C12orf42: variants seen among roughly 807,000 people sequenced by gnomAD.
The protein encoded by C12orf42 is chromosome 12 open reading frame 42, also known as uncharacterized protein C12orf42.
Under a neutral mutation model 21.6 loss-of-function variants are expected in C12orf42, and 25 were observed. The observed-to-expected ratio is 1.16, with a 90% confidence interval of 0.84 to 1.62. The LOEUF (loss-of-function observed/expected upper bound fraction) is 1.62, where lower values mean the gene tolerates loss of function less well. C12orf42 is among the 40% of genes most tolerant of loss of function. C12orf42 has a pLI of 0.00. For missense variants in C12orf42, 483 were observed against 459.3 expected, an observed-to-expected ratio of 1.05 and a Z score of -0.47; for synonymous variants, 174 against 175.0, an observed-to-expected ratio of 0.99 and a Z score of 0.05.
chr12:103,299,136 G>A (rs985298143), downstream of C12orf42, among the ~76,000 whole-genome samples: 1 of 151,868 alleles, frequency 6.6e-6, no homozygotes, highest in Non-Finnish European at 1.5e-5. Flanking sequence ...ATAATATATT[G>A]TATAATACAG....
the C12orf42 span, among the ~76,000 whole-genome samples, chr12:103,187,249 C>G: frequency 3.3e-5 from 5 of 152,136 alleles, no homozygotes; most frequent in Non-Finnish European, 5.9e-5. Flanking sequence ...ATCAGTTTTA[C>G]AGATTAACTC....
the C12orf42 span, among the ~76,000 whole-genome samples, chr12:103,086,836 A>G: frequency 6.6e-6 from 1 of 152,040 alleles, no homozygotes; most frequent in South Asian, 2.1e-4. Flanking sequence ...CGTTTTCTTC[A>G]TGTTCAGCAG....
chr12:103,372,225 G>A (rs938643373), intron 3 of C12orf42, among the ~76,000 whole-genome samples: 5 of 152,002 alleles, frequency 3.3e-5, no homozygotes, highest in Non-Finnish European at 5.9e-5. Flanking sequence ...GTTCACCTCC[G>A]TTGAATTCTC....
intron 4 of C12orf42, among the ~76,000 whole-genome samples, chr12:103,322,755 C>T (rs994709523): frequency 1.3e-4 from 20 of 152,154 alleles, no homozygotes; most frequent in Non-Finnish European, 2.5e-4. Flanking sequence ...TGTCCAAATT[C>T]GTAAGAGTGC....
chr12:103,226,911 G>A, the C12orf42 span, among the ~76,000 whole-genome samples: 10 of 152,162 alleles, frequency 6.6e-5, no homozygotes, highest in Non-Finnish European at 1.2e-4. Context: ...ATGCCTGGAC[G>A]TCAGGCACCT....
At chr12:103,557,435 T>C in the C12orf42 span, 2 of 152,332 alleles carry the variant, frequency 1.3e-5, no homozygotes, top group East Asian at 1.9e-4. Context: ...GGCCACACCA[T>C]ACGGGACTTA....
intron 4 of C12orf42, among the ~76,000 whole-genome samples, chr12:103,284,766 A>C (rs779601171): frequency 7.0e-4 from 107 of 152,248 alleles, no homozygotes; most frequent in Non-Finnish European, 9.7e-4. Context: ...GTTTTCCCAC[A>C]GAGCCACAAT....
intron 2 of C12orf42, among the ~76,000 whole-genome samples, chr12:103,461,252 C>T (rs538073640): frequency 1.2e-4 from 19 of 152,248 alleles, no homozygotes; most frequent in African/African-American, 4.3e-4. Context: ...TTAGCTCGGG[C>T]AACAAACTTT....
intron 3 of C12orf42, among the ~76,000 whole-genome samples, chr12:103,393,418 C>T (rs1356697116): frequency 2.0e-5 from 3 of 152,128 alleles, no homozygotes; most frequent in Non-Finnish European, 1.5e-5. Flanking sequence ...GAGGGATCCA[C>T]GTCCATAACC....
At chr12:103,436,077 A>G (rs555977848) in intron 2 of C12orf42, among the ~76,000 whole-genome samples, 164 of 152,298 alleles carry the variant, frequency 1.1e-3, no homozygotes, top group African/African-American at 3.8e-3. Context: ...ACAAGCCAGA[A>G]GAGAGTGGTG....
At chr12:103,430,782 C>T (rs1950208109) in intron 2 of C12orf42, among the ~76,000 whole-genome samples, 1 of 152,098 alleles carries the variant, frequency 6.6e-6, no homozygotes, top group African/African-American at 2.4e-5. Context: ...ACTATGCAGC[C>T]ACAAAAAGGA....
chr12:103,216,096 G>A, the C12orf42 span, among the ~76,000 whole-genome samples: 5 of 152,058 alleles, frequency 3.3e-5, no homozygotes, highest in African/African-American at 1.2e-4. Context: ...GAGAAGTTTG[G>A]ACTCTCTGGC....
chr12:103,389,825 C>T (rs1213011563), intron 3 of C12orf42, among the ~76,000 whole-genome samples: 1 of 152,192 alleles, frequency 6.6e-6, no homozygotes, highest in Non-Finnish European at 1.5e-5. Context: ...TGCGTTGTGT[C>T]AGCGACTCTC....
the C12orf42 span, among the ~76,000 whole-genome samples, chr12:103,150,147 G>T: frequency 9.9e-5 from 15 of 152,132 alleles, no homozygotes; most frequent in Admixed American, 5.9e-4. Context: ...TATGCCATAA[G>T]TTAATAAATC....
At chr12:103,388,978 T>C (rs2046850701) in intron 3 of C12orf42, among the ~76,000 whole-genome samples, 1 of 152,210 alleles carries the variant, frequency 6.6e-6, no homozygotes, top group Non-Finnish European at 1.5e-5. Context: ...CTGTGCTTGC[T>C]TTCCAGCCCC....
chr12:103,160,131 T>C, the C12orf42 span, among the ~76,000 whole-genome samples: 3 of 152,142 alleles, frequency 2.0e-5, no homozygotes, highest in Non-Finnish European at 2.9e-5. Flanking sequence ...AACCTAATTC[T>C]GTGAGAAAAA....
chr12:103,364,516 C>CA (rs1489585353), intron 4 of C12orf42, among the ~76,000 whole-genome samples: 3 of 151,418 alleles, frequency 2.0e-5, no homozygotes, highest in Admixed American at 6.6e-5. Context: ...GAAATTGAAA[C>CA]AAAAAAGAAA....
rs200301447 is a variant in C12orf42, at chr12:103,322,123, G to A, written c.260-15778C>T. 4.9e-4 allele frequency among the ~76,000 whole-genome samples: 59 copies of A among 119,216 alleles called. 1 individual carries two copies. The highest frequency in any genetic ancestry group is 3.2e-3 in the Admixed American group (37 of 11,412). The allele number at this position is 119,216 out of a possible 152,430, so 78.2% of individuals were successfully genotyped here. A position where few individuals can be genotyped will look rare whatever the true frequency, so the allele number is the denominator to read the frequency against. ...TGCACGCGCGTGCGTGCGCGCGCGC[G>A]CGCACACACACACACACACACACAC... On this transcript the variant is annotated intron_variant, in intron 4 of 5. Transcript: ENST00000548883.
At chr12:103,378,590 C>T (rs1043402024) in intron 3 of C12orf42, 26 of 152,204 alleles carry the variant, frequency 1.7e-4, no homozygotes, top group African/African-American at 5.3e-4. Flanking sequence ...GGGATTCTAC[C>T]TCAGCCAATG....
Sources: gnomAD v4.1 joint callset for allele counts (sites outside exome capture counted in the v4.1 genomes callset) on GRCh38, gnomAD v4.1.1 for gene constraint, MANE v1.5 for transcripts, NCBI Gene and HGNC (gene_info 2026-07-23, HGNC 2026-07-21) for gene names.